Variants in PLCH1 observed in about 807,000 individuals in gnomAD.
PLCH1 encodes 1-phosphatidylinositol 4,5-bisphosphate phosphodiesterase eta-1.
PLCH1 carries 60 observed loss-of-function variants against 126.7 expected under a neutral mutation model. The ratio of observed to expected loss-of-function variants is 0.47; its 90% CI spans 0.38 to 0.59. PLCH1 has a LOEUF of 0.59. Among genes scored for constraint, PLCH1 ranks in the 20% least tolerant of loss-of-function variants. The probability of loss-of-function intolerance (pLI) is 0.00; values close to 1 mark genes in which losing one functional copy is unlikely to be tolerated. For missense variants in PLCH1, 1,723 were observed against 2,040.0 expected, an observed-to-expected ratio of 0.84 and a Z score of 2.99; for synonymous variants, 719 against 734.9, an observed-to-expected ratio of 0.98 and a Z score of 0.35.
chr3:155,458,436 AGG>A (rs1436056986), intron 21 of PLCH1, among the ~76,000 whole-genome samples: 1,153 of 91,514 alleles, frequency 0.013, 11 homozygotes, highest in East Asian at 0.017. Context: ...GAAGGAAGGA[AGG>A]AAGGAAGGAA....
rs115061122 is a variant in PLCH1, at chr3:155,553,694, C to T, written c.1190+382G>A. The stretch of plus-strand genomic sequence containing the variant: ...AGGAGAGGGTCAAGTAACATAAGGA[C>T]TCCAGACACCTCAGTGTATAGATAA... On this transcript the variant is annotated intron_variant, in intron 9 of 22. Transcript: ENST00000460012. 6.5e-3 allele frequency among the ~76,000 whole-genome samples: 994 copies of T among 152,208 alleles called. 11 individuals are homozygous for T. Among genetic ancestry groups the T allele is most frequent in the African/African-American group, 0.023 (952 of 41,518 alleles).
chr3:155,737,423 C>A (rs969923837), intron 1 of PLCH1, among the ~76,000 whole-genome samples: 5 of 151,592 alleles, frequency 3.3e-5, no homozygotes, highest in Admixed American at 6.6e-5. Context: ...CATCAACCTC[C>A]TGGGTTCAAA....
In PLCH1 at chr3:155,529,577, C is replaced by T. The variant is rs556564547; in HGVS notation, c.1363-5573G>A. 4.0e-5 allele frequency among the ~76,000 whole-genome samples: 6 copies of T among 151,886 alleles called. No individual in the cohort carries two copies. In the South Asian group the frequency reaches 6.2e-4, roughly 16 times the overall value. On this transcript the variant is annotated intron_variant, in intron 10 of 22. Coordinates refer to ENST00000460012, the MANE Select transcript of PLCH1 (RefSeq NM_014996.4). Reference sequence around the variant, plus strand: ...GCCTATTAAGTGTGCAATAGTATTACGTCTAAAAAAAGTACATACGTTAAT... The same window carrying T: ...GCCTATTAAGTGTGCAATAGTATTATGTCTAAAAAAAGTACATACGTTAAT...
intron 2 of PLCH1, among the ~76,000 whole-genome samples, chr3:155,611,252 C>T (rs6787055): frequency 6.6e-6 from 1 of 151,744 alleles, no homozygotes; most frequent in East Asian, 1.9e-4. Context: ...AGCCAGGCAT[C>T]GTGGTGGAGT....
At chr3:155,495,055 G>T (rs1046394562) in intron 15 of PLCH1, among the ~76,000 whole-genome samples, 8 of 152,122 alleles carry the variant, frequency 5.3e-5, no homozygotes, top group South Asian at 4.1e-4. Flanking sequence ...TTTTAAAGTT[G>T]CTTTGAATAG....
chr3:155,670,486 G>A (rs1452483947), intron 2 of PLCH1, among the ~76,000 whole-genome samples: 1 of 152,154 alleles, frequency 6.6e-6, no homozygotes, highest in East Asian at 1.9e-4. Flanking sequence ...CAGATCGATA[G>A]AAATAATCAT....
intron 21 of PLCH1, among the ~76,000 whole-genome samples, chr3:155,469,360 T>A (rs1713070084): frequency 6.6e-6 from 1 of 152,186 alleles, no homozygotes; most frequent in Admixed American, 6.5e-5. Flanking sequence ...ATACTGCGCT[T>A]TTCGGACCGG....
intron 10 of PLCH1, among the ~76,000 whole-genome samples, chr3:155,544,574 C>A (rs897093114): frequency 6.6e-6 from 1 of 152,210 alleles, no homozygotes; most frequent in Non-Finnish European, 1.5e-5. Flanking sequence ...CTCAAATCAA[C>A]AGAATATAAA....
chr3:155,470,694 C>T (rs1258152444), intron 21 of PLCH1, among the ~76,000 whole-genome samples: 2 of 152,070 alleles, frequency 1.3e-5, no homozygotes, highest in African/African-American at 4.8e-5. Flanking sequence ...GGGTTACCCT[C>T]AAAGGGAAGC....
chr3:155,723,261 C>T (rs955573872), intron 1 of PLCH1, among the ~76,000 whole-genome samples: 2 of 151,910 alleles, frequency 1.3e-5, no homozygotes, highest in East Asian at 3.9e-4. Flanking sequence ...TCAGTTGTAA[C>T]ATCTCCCATT....
At chr3:155,595,936 A>T (rs1732920574) in intron 3 of PLCH1, among the ~76,000 whole-genome samples, 1 of 151,812 alleles carries the variant, frequency 6.6e-6, no homozygotes. Flanking sequence ...TTTTATAGGA[A>T]TGTAAAACAT....
At chr3:155,680,200 T>C (rs1454121023) in intron 2 of PLCH1, among the ~76,000 whole-genome samples, 4 of 151,994 alleles carry the variant, frequency 2.6e-5, no homozygotes, top group Non-Finnish European at 4.4e-5. Flanking sequence ...CTGACCAACA[T>C]GGTGAAACCC....
chr3:155,500,516 C>A lies in PLCH1; in HGVS notation c.1796+187G>T, dbSNP rs1278567761. ...ACATTTATAAAGAGCTCATTATGTGCCAGGCACAGAGCTGAGTTCCCTACA... is the reference window on the plus strand; with the variant it reads ...ACATTTATAAAGAGCTCATTATGTGACAGGCACAGAGCTGAGTTCCCTACA... On this transcript the variant is annotated intron_variant, in intron 14 of 22. Transcript: ENST00000460012. Among the ~76,000 whole-genome samples, 4 of 152,316 alleles carry A rather than the reference C, an allele frequency of 2.6e-5. No homozygotes were observed. In the South Asian group the frequency reaches 8.3e-4, roughly 32 times the overall value.
intron 10 of PLCH1, among the ~76,000 whole-genome samples, chr3:155,535,854 C>A (rs1337142042): frequency 6.6e-6 from 1 of 152,168 alleles, no homozygotes; most frequent in African/African-American, 2.4e-5. Flanking sequence ...GGATAACCAA[C>A]AACTAGCACA....
At chr3:155,479,423 C>T (rs970999705), downstream of PLCH1, among the ~76,000 whole-genome samples, 1 of 152,160 alleles carries the variant, frequency 6.6e-6, no homozygotes, top group African/African-American at 2.4e-5. Flanking sequence ...TGGGGAAAAG[C>T]TCAGAGTTGG....
rs778021690 is a variant in PLCH1 at position 155,492,901 on chromosome 3, G to A, written c.2183-48C>T. 1.8e-5 allele frequency: 27 copies of A among 1,468,310 alleles called. No individual in the cohort carries two copies. The East Asian group carries it at 2.7e-4, about 15-fold the overall frequency. 91.0% of individuals were successfully genotyped at this position (1,468,310 alleles called of 1,614,324 possible). A position where few individuals can be genotyped will look rare whatever the true frequency, so the allele number is the denominator to read the frequency against. On this transcript the variant is annotated intron_variant, in intron 17 of 22. Transcript: ENST00000460012. Reference sequence around the variant, plus strand: ...TGGTAACATAAGAAGAAACACACACGCATGCACAGCTTAAGCTTGTAAACA... The same window carrying A: ...TGGTAACATAAGAAGAAACACACACACATGCACAGCTTAAGCTTGTAAACA...
intron 2 of PLCH1, among the ~76,000 whole-genome samples, chr3:155,625,169 T>C (rs1293679535): frequency 3.3e-5 from 5 of 152,080 alleles, no homozygotes; most frequent in African/African-American, 1.2e-4. Context: ...ATAAGTGGTG[T>C]TGGGAAAATT....
intron 12 of PLCH1, among the ~76,000 whole-genome samples, chr3:155,511,508 G>C (rs1235698282): frequency 8.3e-6 from 1 of 120,220 alleles, no homozygotes; most frequent in Non-Finnish European, 1.6e-5. Flanking sequence ...GGTCTTTGAT[G>C]ATGGTGATGT....
At chr3:155,533,737 G>A (rs1420734139) in intron 10 of PLCH1, among the ~76,000 whole-genome samples, 5 of 152,188 alleles carry the variant, frequency 3.3e-5, no homozygotes, top group African/African-American at 1.2e-4. Flanking sequence ...TAGAAAAAAT[G>A]CTTTCATGGG....
Sources: allele counts gnomAD v4.1 joint callset (sites outside exome capture counted in the v4.1 genomes callset), GRCh38; gene constraint gnomAD v4.1.1; transcripts MANE v1.5; gene names NCBI Gene and HGNC (gene_info 2026-07-23, HGNC 2026-07-21).